PDE10A: variants seen among roughly 807,000 people sequenced by gnomAD.
The protein encoded by PDE10A is cAMP and cAMP-inhibited cGMP 3',5'-cyclic phosphodiesterase 10A.
A neutral mutation model predicts 97.7 loss-of-function variants in PDE10A; 39 were observed. The observed-to-expected ratio is 0.40, with a 90% CI of 0.31 to 0.52. PDE10A has a LOEUF of 0.52. PDE10A is among the 20% of genes least tolerant of loss of function. The probability of loss-of-function intolerance (pLI) is 0.56; values close to 1 mark genes in which losing one functional copy is unlikely to be tolerated. For missense variants in PDE10A, 731 were observed against 1,047.8 expected (o/e 0.70, Z 4.17); for synonymous variants, 371 against 376.8 (o/e 0.98, Z 0.18).
At chr6:165,831,152 AG>A (rs1779899806) in intron 1 of PDE10A, among the ~76,000 whole-genome samples, 1 of 151,972 alleles carries the variant, frequency 6.6e-6, no homozygotes, top group Non-Finnish European at 1.5e-5. Context: ...TGGGAGGCTG[AG>A]GTGGGTGGCT....
At chr6:165,390,196 C>A (rs1230568574) in intron 16 of PDE10A, among the ~76,000 whole-genome samples, 3 of 152,152 alleles carry the variant, frequency 2.0e-5, no homozygotes, top group Non-Finnish European at 4.4e-5. Flanking sequence ...AAGGGAGGAA[C>A]AGCTGGTGCA....
chr6:165,829,670 G>A lies in PDE10A; in HGVS notation c.-615+157859C>T, dbSNP rs529412743. On this transcript the variant is annotated intron_variant, in intron 1 of 19. Coordinates refer to the PDE10A transcript ENST00000366882. Reference sequence around the variant, plus strand: ...TGATCGGATCTCTCGATAAACTGCCGGTCCCATCTAACCAACAGATCCTAC... The same window carrying A: ...TGATCGGATCTCTCGATAAACTGCCAGTCCCATCTAACCAACAGATCCTAC... Among the ~76,000 whole-genome samples, 8 of 152,268 alleles carry A rather than the reference G, an allele frequency of 5.3e-5. No individual in the cohort carries two copies. The East Asian group carries it at 5.8e-4, about 11-fold the overall frequency.
At chr6:165,390,875 A>G (rs895584315) in intron 16 of PDE10A, among the ~76,000 whole-genome samples, 1 of 152,176 alleles carries the variant, frequency 6.6e-6, no homozygotes, top group African/African-American at 2.4e-5. Context: ...CATGTTAACA[A>G]TCATACTCGC....
At chr6:165,793,164 A>G (rs1162945466) in intron 1 of PDE10A, among the ~76,000 whole-genome samples, 1 of 152,166 alleles carries the variant, frequency 6.6e-6, no homozygotes, top group Admixed American at 6.5e-5. Context: ...GAAGTTAATC[A>G]CCAAAGGCAC....
intron 1 of PDE10A, among the ~76,000 whole-genome samples, chr6:165,573,254 T>C (rs2225190): frequency 0.13 from 18,461 of 147,456 alleles, 1,192 homozygotes; most frequent in African/African-American, 0.15. Flanking sequence ...AATTTGGCCG[T>C]AGAGCATGTT....
intron 1 of PDE10A, among the ~76,000 whole-genome samples, chr6:165,738,474 C>A (rs555163657): frequency 6.6e-6 from 1 of 151,142 alleles, no homozygotes; most frequent in Non-Finnish European, 1.5e-5. Context: ...AGTAAACATA[C>A]GTGTGCATGT....
chr6:165,425,328 A>G (rs1383809459), intron 10 of PDE10A, among the ~76,000 whole-genome samples: 1 of 152,188 alleles, frequency 6.6e-6, no homozygotes, highest in Non-Finnish European at 1.5e-5. Flanking sequence ...CAATTCCAAT[A>G]TAAATTACAC....
intron 1 of PDE10A, among the ~76,000 whole-genome samples, chr6:165,954,617 C>T (rs1434942940): frequency 6.6e-6 from 1 of 152,258 alleles, no homozygotes; most frequent in East Asian, 1.9e-4. Context: ...CTCCGTCCTC[C>T]CTCCTCACCA....
chr6:165,660,373 G>T, intron 1 of PDE10A: 1 of 152,872 alleles, frequency 6.5e-6, no homozygotes, highest in Non-Finnish European at 1.5e-5. Context: ...CCGGGGGGGA[G>T]GACTTAGGGG....
intron 1 of PDE10A, among the ~76,000 whole-genome samples, chr6:165,586,497 CA>C (rs1785920572): frequency 6.6e-6 from 1 of 152,036 alleles, no homozygotes; most frequent in Non-Finnish European, 1.5e-5. Flanking sequence ...CCAGGTGGGG[CA>C]AATAGTCATG....
chr6:165,940,655 G>C lies in PDE10A; in HGVS notation c.-615+46874C>G, dbSNP rs1318354627. On this transcript the variant is annotated intron_variant, in intron 1 of 19. Coordinates refer to the PDE10A transcript ENST00000366882. ...GGAGCCCATAGAGCGCTCCTTTCTG[G>C]GGGTGCTTCCTCGTTCCTGGGAGCG... The C allele has an allele frequency of 2.6e-5, 4 of 152,270 alleles. No individual in the cohort carries two copies. In the East Asian group the frequency reaches 7.7e-4, roughly 29 times the overall value. The allele number at this position is 152,270 out of a possible 1,614,324, so 9.4% of individuals were successfully genotyped here. A position where few individuals can be genotyped will look rare whatever the true frequency, so the allele number is the denominator to read the frequency against.
intron 1 of PDE10A, among the ~76,000 whole-genome samples, chr6:165,888,764 A>T (rs1261498246): frequency 4.6e-5 from 7 of 152,278 alleles, no homozygotes; most frequent in Non-Finnish European, 7.3e-5. Context: ...GGTGAGAGTT[A>T]TGGAGGATAG....
At chr6:165,864,982 AT>A (rs1398637057) in intron 1 of PDE10A, among the ~76,000 whole-genome samples, 1 of 152,200 alleles carries the variant, frequency 6.6e-6, no homozygotes, top group African/African-American at 2.4e-5. Context: ...TCTTTAAAAT[AT>A]TTTTTCTATA....
chr6:165,762,991 GA>G (rs1306411817), intron 1 of PDE10A, among the ~76,000 whole-genome samples: 2 of 152,162 alleles, frequency 1.3e-5, no homozygotes, highest in Non-Finnish European at 2.9e-5. Flanking sequence ...CTGGAACAAG[GA>G]AAAAGGAAAT....
At chr6:165,804,353 A>G (rs190657717) in intron 1 of PDE10A, among the ~76,000 whole-genome samples, 36 of 152,296 alleles carry the variant, frequency 2.4e-4, no homozygotes, top group Middle Eastern at 3.4e-3. Context: ...TGTGCTTCAA[A>G]TTCCATTGCG....
At chr6:165,854,393 CA>C (rs1174686115) in intron 1 of PDE10A, among the ~76,000 whole-genome samples, 1 of 152,140 alleles carries the variant, frequency 6.6e-6, no homozygotes, top group Admixed American at 6.5e-5. Context: ...GAGAGAAAGC[CA>C]AGACCAGGTG....
At chr6:165,858,127 C>T (rs1780801106) in intron 1 of PDE10A, among the ~76,000 whole-genome samples, 1 of 152,120 alleles carries the variant, frequency 6.6e-6, no homozygotes, top group African/African-American at 2.4e-5. Flanking sequence ...TTAGTAGGTG[C>T]TATTAATTTT....
intron 1 of PDE10A, among the ~76,000 whole-genome samples, chr6:165,835,592 T>A (rs1466501885): frequency 4.6e-5 from 7 of 152,172 alleles, no homozygotes; most frequent in Non-Finnish European, 1.0e-4. Flanking sequence ...GGGGCTGATG[T>A]CTCACAGCCC....
chr6:165,396,449 C>T lies in PDE10A; in HGVS notation c.2087G>A (p.Arg696Lys). 6.2e-7 allele frequency: 1 copy of T among 1,609,484 alleles called. No homozygotes were observed. The highest frequency in any genetic ancestry group is 8.5e-7 in the Non-Finnish European group (1 of 1,177,540). ...GTAAATGCACTCTGAGTGGCGAATT[C>T]TATGATACATCTAGAAGGCAAATCC... ...LALHCANMYH[R>K]IRHSECIYRV... is the part of the protein sequence containing the mutation. The change falls in exon 14 of 22, where the codon AGA becomes AAA. Residue 696 changes from arginine (R) to lysine (K), a missense_variant. This residue lies in a region of PDE10A where 131 missense variants were observed against 187.4 expected (regional missense o/e 0.70). Coordinates refer to ENST00000539869, the MANE Select transcript of PDE10A (RefSeq NM_001385079.1).
Sources: allele counts gnomAD v4.1 joint callset (sites outside exome capture counted in the v4.1 genomes callset), GRCh38; gene constraint gnomAD v4.1.1; regional missense constraint gnomAD v4.1.1; transcripts MANE v1.5; gene names NCBI Gene and HGNC (gene_info 2026-07-23, HGNC 2026-07-21).